Variants in CNOT10 observed in about 807,000 individuals in gnomAD.
CNOT10 encodes CCR4-NOT transcription complex, subunit 10.
A neutral mutation model predicts 94.6 loss-of-function variants in CNOT10; 30 were observed. The observed-to-expected ratio is 0.32, with a 90% CI of 0.24 to 0.43. The LOEUF (loss-of-function observed/expected upper bound fraction) is 0.43. Ranked by LOEUF, CNOT10 falls within the 20% of genes least tolerant of loss-of-function variation. The pLI is 1.00. For synonymous variants in CNOT10, 289 were observed against 301.6 expected, an observed-to-expected ratio of 0.96 and a Z score of 0.43; for missense variants, 759 against 877.2, an observed-to-expected ratio of 0.87 and a Z score of 1.70.
chr3:32,707,059 C>G (rs558950379), intron 3 of CNOT10, among the ~76,000 whole-genome samples: 12 of 152,272 alleles, frequency 7.9e-5, no homozygotes, highest in African/African-American at 2.9e-4. Context: ...TATCAGAGTT[C>G]TATGGAAGTG....
chr3:32,761,477 C>T (rs577979163), intron 14 of CNOT10, among the ~76,000 whole-genome samples: 137 of 152,292 alleles, frequency 9.0e-4, no homozygotes, highest in African/African-American at 3.2e-3. Context: ...ACTGCAACCT[C>T]CACTGTCTGG....
intron 3 of CNOT10, 80 bp from the exon 4 acceptor site, chr3:32,708,590 T>C: frequency 7.9e-7 from 1 of 1,261,328 alleles, no homozygotes; most frequent in Non-Finnish European, 1.1e-6. Flanking sequence ...CCTATGTTCC[T>C]TTTTATTCAT....
chr3:32,761,652 T>C (rs1478434166), intron 14 of CNOT10, among the ~76,000 whole-genome samples: 1 of 151,948 alleles, frequency 6.6e-6, no homozygotes, highest in Non-Finnish European at 1.5e-5. Context: ...GCCTCCCCAG[T>C]TCAAGGGATT....
At chr3:32,718,283 T>C (rs1698213846) in intron 7 of CNOT10, among the ~76,000 whole-genome samples, 1 of 141,916 alleles carries the variant, frequency 7.0e-6, no homozygotes, top group Admixed American at 7.1e-5. Context: ...TTTTTTTTAA[T>C]GATAAAAGAC....
Position 32,753,673 on chromosome 3 carries a change from T to C in CNOT10, c.1596-5785T>C, listed in dbSNP as rs946293393. The C allele has an allele frequency of 8.9e-6, 14 of 1,581,034 alleles. No individual in the cohort carries two copies. The Admixed American group carries it at 1.8e-4, about 20-fold the overall frequency. Reference sequence around the variant, plus strand: ...TCCTTATACAAGAAATTGGGATAAATTAGTGGGTAAAATCAAAGAAGAAGA... The same window carrying C: ...TCCTTATACAAGAAATTGGGATAAACTAGTGGGTAAAATCAAAGAAGAAGA... On this transcript the variant is annotated intron_variant, in intron 13 of 18. Coordinates refer to ENST00000328834, the MANE Select transcript of CNOT10 (RefSeq NM_015442.3).
At chr3:32,713,485 A>G (rs1001654637) in intron 5 of CNOT10, 116 bp downstream of exon 5, 39 of 758,108 alleles carry the variant, frequency 5.1e-5, no homozygotes, top group Non-Finnish European at 7.6e-5. Flanking sequence ...TGTGGTTATG[A>G]ACTATTAACA....
At position 32,715,783 on chromosome 3, in the gene CNOT10, G is replaced by A. The variant is rs1275144009; in HGVS notation, c.574-442G>A. Among the ~76,000 whole-genome samples the A allele has an allele frequency of 9.2e-5, 14 of 152,146 alleles. 1 individual carries two copies. Among genetic ancestry groups the A allele is most frequent in the Admixed American group, 9.2e-4 (14 of 15,268 alleles). On this transcript the variant is annotated intron_variant, in intron 5 of 18. Coordinates refer to ENST00000328834, the MANE Select transcript of CNOT10 (RefSeq NM_015442.3). Reference sequence around the variant, plus strand: ...ACCCACTCTAGACTACTGAACCTCAGTCTCTAGGAGTGGGACCTGGGATTC... The same window carrying A: ...ACCCACTCTAGACTACTGAACCTCAATCTCTAGGAGTGGGACCTGGGATTC...
At chr3:32,732,516 G>A (rs1445951058) in intron 10 of CNOT10, among the ~76,000 whole-genome samples, 6 of 151,900 alleles carry the variant, frequency 3.9e-5, no homozygotes, top group Non-Finnish European at 5.9e-5. Flanking sequence ...AGCCCAGGAG[G>A]CCGAAGTTGC....
intron 13 of CNOT10, among the ~76,000 whole-genome samples, chr3:32,759,100 AAGTT>A (rs940774557): frequency 1.3e-5 from 2 of 151,608 alleles, no homozygotes; most frequent in Non-Finnish European, 2.9e-5. Flanking sequence ...ACTTCTATGG[AAGTT>A]AGTTCTCATT....
At chr3:32,707,039 A>G (rs759836115) in intron 3 of CNOT10, among the ~76,000 whole-genome samples, 1 of 152,240 alleles carries the variant, frequency 6.6e-6, no homozygotes, top group East Asian at 1.9e-4. Flanking sequence ...TGTTAAATCC[A>G]TGTACTGTAT....
chr3:32,704,716 TA>T (rs1191514257), intron 2 of CNOT10, 94 bp from the exon 3 acceptor site: 1 of 1,358,858 alleles, frequency 7.4e-7, no homozygotes, highest in African/African-American at 1.5e-5. Flanking sequence ...TAAGAACTTT[TA>T]AGATAAAGAT....
At chr3:32,737,876 G>T (rs1699265582) in intron 13 of CNOT10, among the ~76,000 whole-genome samples, 3 of 152,032 alleles carry the variant, frequency 2.0e-5, no homozygotes, top group African/African-American at 7.2e-5. Context: ...CTGATCAAAT[G>T]TTAAACCAAT....
chr3:32,695,807 A>G, intron 1 of CNOT10: 2 of 1,535,892 alleles, frequency 1.3e-6, no homozygotes, highest in Non-Finnish European at 1.7e-6. Context: ...ATGCTGTGGG[A>G]TTATGTGCAG....
In CNOT10 at chr3:32,695,747, C is replaced by T. The variant is rs192382813; in HGVS notation, c.23-8121C>T. 2.5e-3 allele frequency: 3,793 copies of T among 1,535,600 alleles called. 13 individuals carry two copies. Among genetic ancestry groups the T allele is most frequent in the Admixed American group, 3.4e-3 (173 of 50,966 alleles). ...AAAGTCAAGCTTATGGGTGAACGGT[C>T]GTATACTCTTTCAATTGGCAACGGA... On this transcript the variant is annotated intron_variant, in intron 1 of 18. Transcript: ENST00000328834.
intron 3 of CNOT10, among the ~76,000 whole-genome samples, chr3:32,708,173 C>T (rs1697710965): frequency 6.6e-6 from 1 of 152,164 alleles, no homozygotes; most frequent in South Asian, 2.1e-4. Context: ...GCTGGGATTA[C>T]AGGCATGAGC....
intron 13 of CNOT10, among the ~76,000 whole-genome samples, chr3:32,755,518 A>G (rs1377519887): frequency 6.6e-6 from 1 of 151,152 alleles, no homozygotes; most frequent in African/African-American, 2.4e-5. Context: ...TTTTAAGCCA[A>G]TTTTTCAAAT....
intron 7 of CNOT10, among the ~76,000 whole-genome samples, chr3:32,718,796 A>C (rs1698242859): frequency 6.6e-6 from 1 of 152,028 alleles, no homozygotes; most frequent in Non-Finnish European, 1.5e-5. Flanking sequence ...ACTAGGATTT[A>C]GAAGGAAAGC....
chr3:32,726,861 T>TTC (rs1491078917), intron 9 of CNOT10, among the ~76,000 whole-genome samples: 2 of 54,398 alleles, frequency 3.7e-5, no homozygotes, highest in African/African-American at 1.2e-4. Flanking sequence ...TTTTTTTTTT[T>TTC]CCTGAGACGA....
intron 13 of CNOT10, among the ~76,000 whole-genome samples, chr3:32,747,355 G>A (rs62251883): frequency 0.084 from 12,815 of 152,064 alleles, 663 homozygotes; most frequent in Middle Eastern, 0.18. Flanking sequence ...AGGTGGAGGT[G>A]GAGGTTGCAG....
Sources: gnomAD v4.1 joint callset for allele counts (sites outside exome capture counted in the v4.1 genomes callset) on GRCh38, gnomAD v4.1.1 for gene constraint, MANE v1.5 for transcripts, NCBI Gene and HGNC (gene_info 2026-07-23, HGNC 2026-07-21) for gene names.